Variants in IGFN1 observed in about 807,000 individuals in gnomAD.
IGFN1 encodes immunoglobulin-like and fibronectin type III domain-containing protein 1.
In IGFN1, 253 loss-of-function variants were observed where a neutral mutation model predicts 289.5. The observed-to-expected ratio is 0.87, with a 90% CI of 0.79 to 0.97. The LOEUF is 0.97. IGFN1 is among the 50% of genes least tolerant of loss of function. IGFN1 has a pLI of 0.00. For missense variants in IGFN1, 4,470 were observed against 4,686.1 expected (o/e 0.95, Z 1.35); for synonymous variants, 1,706 against 1,788.5 (o/e 0.95, Z 1.16).
rs1206425387 is a variant in IGFN1, at chr1:201,200,829, TTTC to T, written c.633+421_633+423del. ...GGGGGGGAGGTACCTGGTTTATTTCTTTCTTTTTTTTTTTTTTTTTAAGATGGA... is the reference window on the plus strand; with the variant it reads ...GGGGGGGAGGTACCTGGTTTATTTCTTTTTTTTTTTTTTTTTTAAGATGGA... On this transcript the variant is annotated intron_variant, in intron 8 of 23. Coordinates refer to ENST00000335211, the MANE Select transcript of IGFN1 (RefSeq NM_001164586.2). 2.9e-4 allele frequency among the ~76,000 whole-genome samples: 33 copies of T among 115,750 alleles called. 4 individuals carry two copies. The highest frequency in any genetic ancestry group is 4.1e-4 in the Non-Finnish European group (22 of 53,476). 75.9% of individuals were successfully genotyped at this position (115,750 alleles called of 152,430 possible). A position where few individuals can be genotyped will look rare whatever the true frequency, so the allele number is the denominator to read the frequency against.
At chr1:201,216,033 G>T (rs1223595289) in intron 15 of IGFN1, 195 bp downstream of exon 15, 1 of 733,068 alleles carries the variant, frequency 1.4e-6, no homozygotes, top group East Asian at 2.7e-5. Flanking sequence ...CACAGTGCTG[G>T]GCTCCTGCTG....
chr1:201,218,410 T>C, intron 17 of IGFN1, 120 bp from the exon 18 acceptor site: 1 of 874,796 alleles, frequency 1.1e-6, no homozygotes, highest in Non-Finnish European at 1.7e-6. Context: ...GGTGGAGGGA[T>C]GTAGGGAGGG....
chr1:201,224,880 G>T lies in IGFN1; in HGVS notation c.10486+6G>T, dbSNP rs1227123161. On this transcript the variant is annotated splice_donor_region_variant and intron_variant, in intron 21 of 23. Coordinates refer to ENST00000335211, the MANE Select transcript of IGFN1 (RefSeq NM_001164586.2). ...CTTCCGTATCAGGGTGGCAGGTGAG[G>T]CAGGCCTTGCTCTGGGCTCTGGACG... 1 of 1,609,276 alleles carries T rather than the reference G, an allele frequency of 6.2e-7. No individual in the cohort carries two copies. Among genetic ancestry groups the T allele is most frequent in the Non-Finnish European group, 8.5e-7 (1 of 1,177,518 alleles).
chr1:201,206,077 C>T lies in IGFN1; in HGVS notation c.1190-6C>T. Reference sequence around the variant, plus strand: ...GACCTTCCATATGAATAACCCCTCACTGAAGCTGGGAAGGATAAAGACCTT... The same window carrying T: ...GACCTTCCATATGAATAACCCCTCATTGAAGCTGGGAAGGATAAAGACCTT... On this transcript the variant is annotated splice_region_variant and splice_polypyrimidine_tract_variant and intron_variant, in intron 11 of 23. Transcript: ENST00000335211. The T allele has an allele frequency of 6.5e-7, 1 of 1,536,274 alleles. No individual in the cohort carries two copies. Among genetic ancestry groups the T allele is most frequent in the Non-Finnish European group, 8.8e-7 (1 of 1,134,796 alleles).
intron 18 of IGFN1, among the ~76,000 whole-genome samples, chr1:201,219,506 A>G (rs1010787322): frequency 3.3e-5 from 5 of 152,222 alleles, no homozygotes; most frequent in African/African-American, 1.2e-4. Context: ...AAACCTGTCT[A>G]ACCTTGATCC....
Position 201,220,431 on chromosome 1 carries a change from C to T in IGFN1, c.9899-1013C>T, listed in dbSNP as rs556211696. Among the ~76,000 whole-genome samples the T allele has an allele frequency of 9.8e-5, 15 of 152,336 alleles. No homozygotes were observed. The South Asian group carries it at 1.0e-3, about 11-fold the overall frequency. ...CTGCTTTCAAGCTATCCTCCTGCCT[C>T]GGCCTCCTAAAGTGCTGGGATTACA... On this transcript the variant is annotated intron_variant, in intron 18 of 23. Transcript: ENST00000335211.
At chr1:201,218,403 G>A in intron 17 of IGFN1, 127 bp from the exon 18 acceptor site, 1 of 821,336 alleles carries the variant, frequency 1.2e-6, no homozygotes, top group Admixed American at 2.7e-5. Context: ...CACAGCGGGT[G>A]GAGGGATGTA....
At position 201,215,755 on chromosome 1, in the gene IGFN1, G is replaced by A; in HGVS notation, c.9212G>A (p.Gly3071Asp). The A allele has an allele frequency of 1.2e-6, 2 of 1,608,724 alleles. No homozygotes were observed. Among genetic ancestry groups the A allele is most frequent in the Non-Finnish European group, 1.7e-6 (2 of 1,177,248 alleles). Residue 3071 changes from glycine to aspartate, a missense_variant, in exon 15 of 24, where the codon GGC becomes GAC. By Grantham distance (94) the Gly-to-Asp change is moderately conservative (BLOSUM62 -1). Coordinates refer to ENST00000335211, the MANE Select transcript of IGFN1 (RefSeq NM_001164586.2). Reference protein sequence around the residue: ...GYTRLCLPSAGRKDCGQYSVT... With the variant: ...GYTRLCLPSADRKDCGQYSVT... ...ACGCGGCTGTGCCTCCCCAGCGCAGGCAGGAAGGACTGTGGCCAGTACAGC... is the reference window on the plus strand; with the variant it reads ...ACGCGGCTGTGCCTCCCCAGCGCAGACAGGAAGGACTGTGGCCAGTACAGC...
In IGFN1 at chr1:201,226,133, C is replaced by T; in HGVS notation, c.10786+10C>T. The T allele has an allele frequency of 1.3e-6, 2 of 1,570,822 alleles. No individual in the cohort carries two copies. The highest frequency in any genetic ancestry group is 1.7e-6 in the Non-Finnish European group (2 of 1,157,360). On this transcript the variant is annotated intron_variant, in intron 22 of 23. Coordinates refer to ENST00000335211, the MANE Select transcript of IGFN1 (RefSeq NM_001164586.2). ...ATCCCCCGGCAGCGCGGTAAGCAGCCCCTGAGAGGGAGGAGCAGGCAGGGT... is the reference window on the plus strand; with the variant it reads ...ATCCCCCGGCAGCGCGGTAAGCAGCTCCTGAGAGGGAGGAGCAGGCAGGGT...
chr1:201,227,517 T>C (rs2102378039), intron 23 of IGFN1, among the ~76,000 whole-genome samples: 1 of 151,822 alleles, frequency 6.6e-6, no homozygotes, highest in Admixed American at 6.6e-5. Flanking sequence ...AGCCTCCACC[T>C]CCTGGATTCA....
chr1:201,212,337 G>T lies in IGFN1; in HGVS notation c.7444G>T (p.Ala2482Ser), dbSNP rs1231427349. 6 of 1,536,712 alleles carry T rather than the reference G, an allele frequency of 3.9e-6. No individual in the cohort carries two copies. In the Admixed American group the frequency reaches 1.2e-4, roughly 30 times the overall value. Residue 2482 changes from alanine to serine, a missense_variant, in exon 12 of 24, where the codon GCT becomes TCT. This residue lies in a region of IGFN1 where 2,218 missense variants were observed against 2,114.1 expected (regional missense o/e 1.05). Transcript: ENST00000335211. ...TSGIPEASEA[A>S]GAKGKPDVKE... is the part of the protein sequence containing the mutation. ...AGGGATCCCTGAGGCCTCGGAGGCTGCTGGTGCCAAGGGAAAACCAGATGT... is the reference window on the plus strand; with the variant it reads ...AGGGATCCCTGAGGCCTCGGAGGCTTCTGGTGCCAAGGGAAAACCAGATGT...
intron 3 of IGFN1, 122 bp downstream of exon 3, chr1:201,194,395 GC>G: frequency 9.5e-7 from 1 of 1,056,028 alleles, no homozygotes; most frequent in Non-Finnish European, 1.4e-6. Flanking sequence ...CTAGGCCATA[GC>G]CCATCTCCCT....
At position 201,213,542 on chromosome 1, in the gene IGFN1, T is replaced by C. The variant is rs1667946666; in HGVS notation, c.8649T>C (p.Tyr2883=). 6.2e-7 allele frequency: 1 copy of C among 1,613,982 alleles called. No homozygotes were observed. The highest frequency in any genetic ancestry group is 8.5e-7 in the Non-Finnish European group (1 of 1,179,918). The change falls in exon 12 of 24, where the codon TAT becomes TAC. Residue 2883 remains tyrosine (Y), a synonymous_variant. Transcript: ENST00000335211. Reference sequence around the variant, plus strand: ...GCAAAGACGGCAGGTTGGACATCTATGGAGAGAGGAGAGATGCTACCCGGA... The same window carrying C: ...GCAAAGACGGCAGGTTGGACATCTACGGAGAGAGGAGAGATGCTACCCGGA... ...RSGKDGRLDI[Y]GERRDATRSS...
rs1667597422 is a variant in IGFN1, at chr1:201,209,353, A to C, written c.4460A>C (p.Glu1487Ala). The change falls in exon 12 of 24, where the codon GAA becomes GCA. Residue 1487 changes from glutamate (E) to alanine (A), a missense_variant. Transcript: ENST00000335211. ...AGGGGTGGTTTAAGGGGTTCTGGGGAAATGGGGTTAATTGAGGCAGGCTAT... is the reference window on the plus strand; with the variant it reads ...AGGGGTGGTTTAAGGGGTTCTGGGGCAATGGGGTTAATTGAGGCAGGCTAT... ...GYRGGLRGSG[E>A]MGLIEAGYRK... 2 of 1,491,506 alleles carry C rather than the reference A, an allele frequency of 1.3e-6. No homozygotes were observed. The highest frequency in any genetic ancestry group is 8.9e-7 in the Non-Finnish European group (1 of 1,128,430). 92.4% of individuals were successfully genotyped at this position (1,491,506 alleles called of 1,614,324 possible).
chr1:201,215,405 C>A, intron 14 of IGFN1, 134 bp from the exon 15 acceptor site: 2 of 865,866 alleles, frequency 2.3e-6, no homozygotes, highest in East Asian at 2.7e-5. Flanking sequence ...AGCCCCTTCC[C>A]CTTGTTTGTC....
chr1:201,226,237 C>T, intron 22 of IGFN1, 114 bp downstream of exon 22: 1 of 1,198,460 alleles, frequency 8.3e-7, no homozygotes, highest in Middle Eastern at 2.9e-4. Flanking sequence ...CAGGGATGGC[C>T]TGGAGCATGC....
Position 201,207,642 on chromosome 1 carries a change from A to G in IGFN1, c.2749A>G (p.Ile917Val), listed in dbSNP as rs769401339. ...DKKGLRGPGS[I>V]GSEPDFWNGS... ...GAAAGGATTAAGAGGTCCTGGGTCA[A>G]TAGGGTCTGAACCAGATTTCTGGAA... Residue 917 changes from isoleucine (I) to valine (V), a missense_variant, in exon 12 of 24, where the codon ATA becomes GTA. This residue lies in a region of IGFN1 where 2,011 missense variants were observed against 1,953.4 expected (regional missense o/e 1.03). Coordinates refer to ENST00000335211, the MANE Select transcript of IGFN1 (RefSeq NM_001164586.2). 6.5e-7 allele frequency: 1 copy of G among 1,537,118 alleles called. No homozygotes were observed. The highest frequency in any genetic ancestry group is 1.4e-5 in the African/African-American group (1 of 73,154).
Position 201,194,042 on chromosome 1 carries a change from G to C in IGFN1, c.8-112G>C, listed in dbSNP as rs185220585. 43 of 1,255,098 alleles carry C rather than the reference G, an allele frequency of 3.4e-5. No individual in the cohort carries two copies. In the African/African-American group the frequency reaches 5.4e-4, roughly 16 times the overall value. 77.7% of individuals were successfully genotyped at this position (1,255,098 alleles called of 1,614,324 possible). A position where few individuals can be genotyped will look rare whatever the true frequency, so the allele number is the denominator to read the frequency against. Reference sequence around the variant, plus strand: ...ATAATCCTGACCCAAAAGTAGGAGCGAGAAGGGGCTTCTTGCTCCTGGGGT... The same window carrying C: ...ATAATCCTGACCCAAAAGTAGGAGCCAGAAGGGGCTTCTTGCTCCTGGGGT... On this transcript the variant is annotated intron_variant, in intron 2 of 23. Coordinates refer to ENST00000335211, the MANE Select transcript of IGFN1 (RefSeq NM_001164586.2).
In IGFN1 at chr1:201,205,262, G is replaced by A. The variant is rs977548372; in HGVS notation, c.1097G>A (p.Arg366Gln). ...VYVSPDGLTH[R>Q]LVVRGARFSD... Reference sequence around the variant, plus strand: ...GTGTCCCCTGACGGGCTGACCCACCGGCTGGTGGTGAGGGGGGCACGTTTC... The same window carrying A: ...GTGTCCCCTGACGGGCTGACCCACCAGCTGGTGGTGAGGGGGGCACGTTTC... Residue 366 changes from arginine (R) to glutamine (Q), a missense_variant, in exon 11 of 24, where the codon CGG becomes CAG. Arg to Gln is a conservative substitution (Grantham distance 43, BLOSUM62 1). Coordinates refer to ENST00000335211, the MANE Select transcript of IGFN1 (RefSeq NM_001164586.2). 20 of 1,550,848 alleles carry A rather than the reference G, an allele frequency of 1.3e-5. No homozygotes were observed. Among genetic ancestry groups the A allele is most frequent in the South Asian group, 8.3e-5 (7 of 84,068 alleles).
Sources: gnomAD v4.1 joint callset for allele counts (sites outside exome capture counted in the v4.1 genomes callset) on GRCh38, gnomAD v4.1.1 for gene constraint, gnomAD v4.1.1 regional missense constraint, MANE v1.5 for transcripts, NCBI Gene and HGNC (gene_info 2026-07-23, HGNC 2026-07-21) for gene names.